The following PPM1L variants were observed in gnomAD, a reference collection of about 807,000 sequenced individuals.
The protein encoded by PPM1L is protein phosphatase, Mg2+/Mn2+ dependent 1L.
Under a neutral mutation model 31.4 loss-of-function variants are expected in PPM1L, and 13 were observed. The observed-to-expected ratio is 0.41, with a 90% CI of 0.27 to 0.66. The LOEUF (loss-of-function observed/expected upper bound fraction) is 0.66, where lower values mean the gene tolerates loss of function less well. PPM1L is among the 30% of genes least tolerant of loss of function. The pLI is 0.29. For missense variants in PPM1L, 326 were observed against 453.7 expected (o/e 0.72, Z 2.56); for synonymous variants, 184 against 175.4 (o/e 1.05, Z -0.39).
chr3:161,044,779 C>T (rs913084685), intron 2 of PPM1L, among the ~76,000 whole-genome samples: 1 of 152,106 alleles, frequency 6.6e-6, no homozygotes, highest in Non-Finnish European at 1.5e-5. Context: ...CAATATTAAC[C>T]TTAAATGTAA....
At chr3:160,790,379 G>A (rs1021061357) in intron 1 of PPM1L, among the ~76,000 whole-genome samples, 13 of 152,184 alleles carry the variant, frequency 8.5e-5, no homozygotes, top group African/African-American at 2.2e-4. Context: ...ATGTATAAAA[G>A]TATTTTATCA....
chr3:160,816,618 C>T (rs183409027), intron 1 of PPM1L, among the ~76,000 whole-genome samples: 22 of 151,724 alleles, frequency 1.5e-4, no homozygotes, highest in African/African-American at 4.8e-4. Flanking sequence ...AGATATGTAT[C>T]TTCAGTGGAG....
intron 1 of PPM1L, among the ~76,000 whole-genome samples, chr3:160,857,284 C>G (rs1472537347): frequency 6.6e-6 from 1 of 152,078 alleles, no homozygotes. Context: ...TCATAAAATT[C>G]AACACATTTT....
chr3:160,919,769 A>G (rs1431465384), intron 1 of PPM1L, among the ~76,000 whole-genome samples: 2 of 152,196 alleles, frequency 1.3e-5, no homozygotes, highest in African/African-American at 4.8e-5. Context: ...AAAATGTCAT[A>G]TACCTGCTTA....
chr3:160,798,397 T>G (rs1712323226), intron 1 of PPM1L, among the ~76,000 whole-genome samples: 1 of 152,146 alleles, frequency 6.6e-6, no homozygotes, highest in Non-Finnish European at 1.5e-5. Context: ...CTGACTCTCT[T>G]GTTAAGAGAT....
At chr3:160,932,594 A>G (rs1479087622) in intron 1 of PPM1L, among the ~76,000 whole-genome samples, 1 of 152,128 alleles carries the variant, frequency 6.6e-6, no homozygotes, top group Admixed American at 6.6e-5. Context: ...AATGATTATT[A>G]TTGCCATTTG....
chr3:160,991,325 C>T (rs968797100), intron 2 of PPM1L, among the ~76,000 whole-genome samples: 3 of 152,056 alleles, frequency 2.0e-5, no homozygotes, highest in Admixed American at 2.0e-4. Context: ...GTTTCATTTT[C>T]AGTTACTGAA....
At chr3:160,867,520 C>T (rs963128840) in intron 1 of PPM1L, among the ~76,000 whole-genome samples, 2 of 125,230 alleles carry the variant, frequency 1.6e-5, no homozygotes, top group African/African-American at 2.6e-5. Context: ...TTCACATTTC[C>T]TTCCTGGCTT....
chr3:160,768,232 A>G (rs1715161859), intron 1 of PPM1L, among the ~76,000 whole-genome samples: 1 of 152,216 alleles, frequency 6.6e-6, no homozygotes, highest in South Asian at 2.1e-4. Context: ...TAATCCAAAT[A>G]TAGTGCCTAA....
intron 1 of PPM1L, among the ~76,000 whole-genome samples, chr3:160,786,605 T>G (rs1031320202): frequency 6.6e-6 from 1 of 151,874 alleles, no homozygotes; most frequent in African/African-American, 2.4e-5. Flanking sequence ...CTTCCAACTT[T>G]TATTTTAGGT....
In PPM1L at chr3:160,977,579, G is replaced by A. The variant is rs376325558; in HGVS notation, c.574+15669G>A. Among the ~76,000 whole-genome samples the A allele has an allele frequency of 5.9e-5, 9 of 152,096 alleles. 1 individual carries two copies. Among genetic ancestry groups the A allele is most frequent in the African/African-American group, 2.2e-4 (9 of 41,490 alleles). ...CTCTGATTTCCATTCTCCTGTCTTA[G>A]TCTGCCTCATTCAAGGAAGGAAGTA... is the stretch of plus-strand genomic sequence containing the variant. On this transcript the variant is annotated intron_variant, in intron 2 of 3. Transcript: ENST00000498165.
Position 161,072,256 on chromosome 3 carries a change from C to T in PPM1L, c.*3099C>T, listed in dbSNP as rs1415287669. 1 of 152,142 alleles carries T rather than the reference C, an allele frequency of 6.6e-6. No individual in the cohort carries two copies. The highest frequency in any genetic ancestry group is 2.4e-5 in the African/African-American group (1 of 41,416). The allele number at this position is 152,142 out of a possible 1,614,324, so 9.4% of individuals were successfully genotyped here. A position where few individuals can be genotyped will look rare whatever the true frequency, so the allele number is the denominator to read the frequency against. ...TATTTATTTTATATGACCAACTTGCCCCAAGGCAATTAACTCTGAATTGCT... is the reference window on the plus strand; with the variant it reads ...TATTTATTTTATATGACCAACTTGCTCCAAGGCAATTAACTCTGAATTGCT... On this transcript the variant is annotated 3_prime_UTR_variant, in exon 4 of 4. Coordinates refer to ENST00000498165, the MANE Select transcript of PPM1L (RefSeq NM_139245.4).
intron 1 of PPM1L, among the ~76,000 whole-genome samples, chr3:160,809,397 G>A (rs1712740495): frequency 6.6e-6 from 1 of 151,992 alleles, no homozygotes; most frequent in African/African-American, 2.4e-5. Flanking sequence ...TTAACTGAAG[G>A]CTCAACTTTA....
intron 1 of PPM1L, among the ~76,000 whole-genome samples, chr3:160,842,844 C>A (rs1389321448): frequency 3.3e-5 from 5 of 152,160 alleles, no homozygotes; most frequent in Admixed American, 1.3e-4. Context: ...AAATCTGATT[C>A]TAAATTAAGC....
At chr3:160,767,115 C>T (rs1271828128) in intron 1 of PPM1L, among the ~76,000 whole-genome samples, 6 of 152,158 alleles carry the variant, frequency 3.9e-5, no homozygotes, top group Admixed American at 2.6e-4. Flanking sequence ...CTAAAGGCGC[C>T]GTAGCAGTAG....
intron 2 of PPM1L, among the ~76,000 whole-genome samples, chr3:160,980,717 AG>A (rs1716767331): frequency 5.5e-5 from 8 of 146,096 alleles, no homozygotes; most frequent in Admixed American, 1.4e-4. Flanking sequence ...AAAAAAAAAG[AG>A]AGAGAGAGAG....
At chr3:160,915,186 A>G (rs1576710681) in intron 1 of PPM1L, among the ~76,000 whole-genome samples, 1 of 152,088 alleles carries the variant, frequency 6.6e-6, no homozygotes, top group East Asian at 1.9e-4. Context: ...AATCTCCTTA[A>G]GCTGATATGC....
chr3:160,845,968 A>G (rs1714062396), intron 1 of PPM1L, among the ~76,000 whole-genome samples: 1 of 152,072 alleles, frequency 6.6e-6, no homozygotes, highest in East Asian at 1.9e-4. Context: ...TTAAGAAACT[A>G]CGAAGTAGGT....
At chr3:160,959,863 C>T (rs1715896443) in intron 1 of PPM1L, among the ~76,000 whole-genome samples, 1 of 151,848 alleles carries the variant, frequency 6.6e-6, no homozygotes. Context: ...AATAAAGTGT[C>T]TTCCACAGTT....
Sources: gnomAD v4.1 joint callset for allele counts (sites outside exome capture counted in the v4.1 genomes callset) on GRCh38, gnomAD v4.1.1 for gene constraint, MANE v1.5 for transcripts, NCBI Gene and HGNC (gene_info 2026-07-23, HGNC 2026-07-21) for gene names.